Variants in ZNF462 observed in about 807,000 individuals in gnomAD.
The protein encoded by ZNF462 is zinc finger PBX1-interacting protein.
A neutral mutation model predicts 201.9 loss-of-function variants in ZNF462; 10 were observed. The observed-to-expected ratio is 0.05, with a 90% CI of 0.03 to 0.08. ZNF462 has a LOEUF of 0.08. ZNF462 is among the 10% of genes least tolerant of loss of function. The pLI is 1.00. For synonymous variants in ZNF462, 1,227 were observed against 1,193.3 expected (o/e 1.03, Z -0.58); for missense variants, 2,523 against 3,168.3 (o/e 0.80, Z 4.89).
At position 106,902,679 on chromosome 9, in the gene ZNF462, A is replaced by G. The variant is rs908450671; in HGVS notation, c.-30-20675A>G. ...GTTGTATTTTTCCAGGAATTTATCC[A>G]TCTCTCCTAGGTTTTCTAGTTTATG... On this transcript the variant is annotated intron_variant, in intron 1 of 12. Transcript: ENST00000277225. The surrounding 1 kb of genome is among the most constrained non-coding windows in gnomAD (Gnocchi z 4.2). Among the ~76,000 whole-genome samples, 1 of 152,110 alleles carries G rather than the reference A, an allele frequency of 6.6e-6. No homozygotes were observed. The highest frequency in any genetic ancestry group is 2.4e-5 in the African/African-American group (1 of 41,440).
intron 1 of ZNF462, among the ~76,000 whole-genome samples, chr9:106,906,203 C>T (rs1003805944): frequency 6.6e-6 from 1 of 152,202 alleles, no homozygotes; most frequent in Non-Finnish European, 1.5e-5. Flanking sequence ...GAGGGTCTCC[C>T]TTTCCCATTT....
At chr9:106,979,820 T>C (rs957925943) in intron 9 of ZNF462, among the ~76,000 whole-genome samples, 8 of 152,210 alleles carry the variant, frequency 5.3e-5, no homozygotes, top group African/African-American at 1.9e-4. Context: ...ATTTTAGGGA[T>C]GAAACACAGT....
Position 106,895,387 on chromosome 9 carries a change from T to C in ZNF462, c.-30-27967T>C, listed in dbSNP as rs929036504. Among the ~76,000 whole-genome samples the C allele has an allele frequency of 2.6e-5, 4 of 152,150 alleles. No homozygotes were observed. The highest frequency in any genetic ancestry group is 9.7e-5 in the African/African-American group (4 of 41,440). On this transcript the variant is annotated intron_variant, in intron 1 of 12. Transcript: ENST00000277225. The surrounding 1 kb of genome is among the most constrained non-coding windows in gnomAD (Gnocchi z 4.4). Reference sequence around the variant, plus strand: ...CTTGACCCCTCCTCTTCATCCCCAGTGCGTCGTCTGGCCCAGGCTTCCTTT... The same window carrying C: ...CTTGACCCCTCCTCTTCATCCCCAGCGCGTCGTCTGGCCCAGGCTTCCTTT...
At chr9:106,964,374 T>G (rs1380393041) in intron 7 of ZNF462, among the ~76,000 whole-genome samples, 1 of 152,086 alleles carries the variant, frequency 6.6e-6, no homozygotes, top group South Asian at 2.1e-4. Flanking sequence ...GGGAATCCTT[T>G]TCAAAATGCC....
chr9:106,977,292 A>G lies in ZNF462; in HGVS notation c.6832+3019A>G, dbSNP rs1827082173. Among the ~76,000 whole-genome samples the G allele has an allele frequency of 1.4e-5, 2 of 147,312 alleles. No homozygotes were observed. Among genetic ancestry groups the G allele is most frequent in the African/African-American group, 5.4e-5 (2 of 36,856 alleles). ...CACCTGTCCTCTTCCTGCTCTATCC[A>G]TGACATCCTTGGTCTCTCAGGTCCA... is the stretch of plus-strand genomic sequence containing the variant. On this transcript the variant is annotated intron_variant, in intron 9 of 12. Coordinates refer to ENST00000277225, the MANE Select transcript of ZNF462 (RefSeq NM_021224.6). This position sits in a 1 kb window ranked among gnomAD's most constrained non-coding sequence, Gnocchi z 4.6.
chr9:106,875,057 A>G (rs1490284988), intron 1 of ZNF462, among the ~76,000 whole-genome samples: 2 of 152,164 alleles, frequency 1.3e-5, no homozygotes, highest in African/African-American at 2.4e-5. Flanking sequence ...ATCAACTACA[A>G]TTATCAAAAT....
chr9:107,003,025 G>T lies in ZNF462; in HGVS notation c.7057-269G>T, dbSNP rs986323383. Reference sequence around the variant, plus strand: ...CTTCATTTTACTTTTGGTCTCCTGCGTACTATAGCTCATGTTTCTTCACAA... The same window carrying T: ...CTTCATTTTACTTTTGGTCTCCTGCTTACTATAGCTCATGTTTCTTCACAA... On this transcript the variant is annotated intron_variant, in intron 10 of 12. Coordinates refer to ENST00000277225, the MANE Select transcript of ZNF462 (RefSeq NM_021224.6). This position sits in a 1 kb window ranked among gnomAD's most constrained non-coding sequence, Gnocchi z 4.4. 6.6e-6 allele frequency among the ~76,000 whole-genome samples: 1 copy of T among 152,154 alleles called. No individual in the cohort carries two copies. Among genetic ancestry groups the T allele is most frequent in the Non-Finnish European group, 1.5e-5 (1 of 68,026 alleles).
In ZNF462 at chr9:107,009,000, G is replaced by A. The variant is rs190785298; in HGVS notation, c.7190-545G>A. Among the ~76,000 whole-genome samples the A allele has an allele frequency of 7.8e-4, 118 of 152,250 alleles. 2 individuals carry two copies. Among genetic ancestry groups the A allele is most frequent in the African/African-American group, 2.7e-3 (113 of 41,556 alleles). Reference sequence around the variant, plus strand: ...TCAGTGCACATAACCGCCCTGTAAGGTATTGATTATAATGTCTATGATGGA... The same window carrying A: ...TCAGTGCACATAACCGCCCTGTAAGATATTGATTATAATGTCTATGATGGA... On this transcript the variant is annotated intron_variant, in intron 11 of 12. Transcript: ENST00000277225. This position sits in a 1 kb window ranked among gnomAD's most constrained non-coding sequence, Gnocchi z 4.8.
At chr9:106,943,059 C>CGCGCGCGCGCGTGTGTGT (rs374167214) in intron 7 of ZNF462, among the ~76,000 whole-genome samples, 11 of 143,154 alleles carry the variant, frequency 7.7e-5, no homozygotes, top group African/African-American at 2.6e-4. Flanking sequence ...TTTGCGCGCG[C>CGCGCGCGCGCGTGTGTGT]GTGTGTGTGT....
intron 1 of ZNF462, among the ~76,000 whole-genome samples, chr9:106,867,857 A>T (rs1347589972): frequency 6.6e-6 from 1 of 152,188 alleles, no homozygotes; most frequent in Admixed American, 6.5e-5. Context: ...CTTACACTTC[A>T]CTGCATCATG....
intron 7 of ZNF462, among the ~76,000 whole-genome samples, chr9:106,958,617 C>T (rs1831686022): frequency 6.6e-6 from 1 of 152,118 alleles, no homozygotes; most frequent in African/African-American, 2.4e-5. Context: ...TAAAGAGTAA[C>T]CCATACTTAG....
At chr9:106,939,369 G>T (rs1018646486) in intron 7 of ZNF462, among the ~76,000 whole-genome samples, 2 of 152,174 alleles carry the variant, frequency 1.3e-5, no homozygotes, top group African/African-American at 4.8e-5. Flanking sequence ...TGTCAAGTGG[G>T]ATGGATTAGT....
chr9:106,997,361 A>G (rs1828813750), intron 10 of ZNF462, among the ~76,000 whole-genome samples: 1 of 152,258 alleles, frequency 6.6e-6, no homozygotes, highest in Admixed American at 6.5e-5. Flanking sequence ...TGTCTCAAAG[A>G]GCTACTGCAC....
rs1831319334 is a variant in ZNF462, at chr9:106,950,991, G to C, written c.6427+11884G>C. On this transcript the variant is annotated intron_variant, in intron 7 of 12. Coordinates refer to ENST00000277225, the MANE Select transcript of ZNF462 (RefSeq NM_021224.6). This position sits in a 1 kb window ranked among gnomAD's most constrained non-coding sequence, Gnocchi z 4.1. Reference sequence around the variant, plus strand: ...TGTAATTCCAGCCACTCCGGAGGCTGAGGTGGGAGAATTGCTTGAACCCAG... The same window carrying C: ...TGTAATTCCAGCCACTCCGGAGGCTCAGGTGGGAGAATTGCTTGAACCCAG... Among the ~76,000 whole-genome samples, 1 of 151,936 alleles carries C rather than the reference G, an allele frequency of 6.6e-6. No homozygotes were observed. The highest frequency in any genetic ancestry group is 2.4e-5 in the African/African-American group (1 of 41,344).
intron 1 of ZNF462, among the ~76,000 whole-genome samples, chr9:106,898,105 T>C (rs1247301594): frequency 6.6e-6 from 1 of 152,262 alleles, no homozygotes; most frequent in Non-Finnish European, 1.5e-5. Flanking sequence ...CATGGAGTCC[T>C]CTCTTGAAAC....
At position 106,898,244 on chromosome 9, in the gene ZNF462, A is replaced by C. The variant is rs558234436; in HGVS notation, c.-30-25110A>C. Among the ~76,000 whole-genome samples the C allele has an allele frequency of 2.0e-5, 3 of 152,304 alleles. No homozygotes were observed. In the South Asian group the frequency reaches 6.2e-4, roughly 32 times the overall value. On this transcript the variant is annotated intron_variant, in intron 1 of 12. Transcript: ENST00000277225. ...AGAACAGAACACAGTCCCTGCTTTC[A>C]AGAAACTCACAATGCGCTGTGGGGA...
At chr9:106,881,131 C>T (rs534661252) in intron 1 of ZNF462, among the ~76,000 whole-genome samples, 7 of 152,256 alleles carry the variant, frequency 4.6e-5, no homozygotes, top group African/African-American at 1.4e-4. Flanking sequence ...CATCTTGCTT[C>T]GTATCTTAGG....
chr9:106,987,036 G>T (rs1005153165), intron 10 of ZNF462, among the ~76,000 whole-genome samples: 3 of 139,588 alleles, frequency 2.1e-5, no homozygotes, highest in East Asian at 2.2e-4. Flanking sequence ...TAGATAGATA[G>T]ATATCACAGT....
Position 106,930,867 on chromosome 9 carries a change from G to C in ZNF462, c.6012+178G>C. On this transcript the variant is annotated intron_variant, in intron 4 of 12. Transcript: ENST00000277225. This position sits in a 1 kb window ranked among gnomAD's most constrained non-coding sequence, Gnocchi z 5.8. Reference sequence around the variant, plus strand: ...CAGGTTGGACCTTCCTCATCTTTCTGTTCAGGGAAAGGTCGAGTTTCGATC... The same window carrying C: ...CAGGTTGGACCTTCCTCATCTTTCTCTTCAGGGAAAGGTCGAGTTTCGATC... 1.4e-6 allele frequency: 1 copy of C among 704,966 alleles called. No individual in the cohort carries two copies. The highest frequency in any genetic ancestry group is 2.2e-6 in the Non-Finnish European group (1 of 446,174). The allele number at this position is 704,966 out of a possible 1,614,324, so 43.7% of individuals were successfully genotyped here.
Sources: allele counts gnomAD v4.1 joint callset (sites outside exome capture counted in the v4.1 genomes callset), GRCh38; gene constraint gnomAD v4.1.1; non-coding constraint Gnocchi (gnomAD v3.1); transcripts MANE v1.5; gene names NCBI Gene and HGNC (gene_info 2026-07-23, HGNC 2026-07-21).